Variants in MACC1 observed in about 807,000 individuals in gnomAD.
MACC1 encodes the protein metastasis-associated in colon cancer protein 1.
In MACC1, 79 loss-of-function variants were observed where a neutral mutation model predicts 70.7. The observed-to-expected ratio is 1.12, with a 90% confidence interval of 0.93 to 1.35. The LOEUF is 1.35. Ranked by LOEUF, MACC1 falls within the 40% of genes most tolerant of loss-of-function variation. The pLI, the probability that MACC1 is intolerant of heterozygous loss-of-function variation, is 0.00. For missense variants in MACC1, 1,106 were observed against 978.1 expected (o/e 1.13, Z -1.74); for synonymous variants, 361 against 347.2 (o/e 1.04, Z -0.44).
chr7:20,212,104 A>G (rs1191875899), intron 1 of MACC1, among the ~76,000 whole-genome samples: 1 of 152,212 alleles, frequency 6.6e-6, no homozygotes, highest in Non-Finnish European at 1.5e-5. Flanking sequence ...CAAAGATAGG[A>G]TAGTGGTAAC....
Position 20,150,181 on chromosome 7 carries a change from T to C in MACC1, c.2346+4012A>G, listed in dbSNP as rs183354558. Among the ~76,000 whole-genome samples the C allele has an allele frequency of 8.7e-4, 133 of 152,324 alleles. 1 individual carries two copies. In the East Asian group the frequency reaches 0.023, roughly 27 times the overall value. On this transcript the variant is annotated intron_variant, in intron 6 of 6. Transcript: ENST00000400331. ...TTCAAATATTAACAGTTTATCCCAA[T>C]TCCCAGGCCAAAGTAAAACCTGGTT...
chr7:20,185,548 T>C (rs973341497), intron 1 of MACC1, among the ~76,000 whole-genome samples: 13 of 152,246 alleles, frequency 8.5e-5, no homozygotes, highest in Admixed American at 7.8e-4. Flanking sequence ...GAAAATTTTC[T>C]GCTTTTTTAT....
chr7:20,173,963 T>A (rs1289000851), intron 1 of MACC1, among the ~76,000 whole-genome samples: 1 of 152,170 alleles, frequency 6.6e-6, no homozygotes, highest in African/African-American at 2.4e-5. Context: ...CAGATTTGAT[T>A]CATAAAAATT....
At chr7:20,176,740 A>C (rs1782399149) in intron 1 of MACC1, among the ~76,000 whole-genome samples, 1 of 152,174 alleles carries the variant, frequency 6.6e-6, no homozygotes, top group South Asian at 2.1e-4. Flanking sequence ...AATATTACTC[A>C]ACCATAAAAT....
In MACC1 at chr7:20,191,464, G is replaced by A. The variant is rs577430180; in HGVS notation, c.-217-20686C>T. On this transcript the variant is annotated intron_variant, in intron 1 of 6. Transcript: ENST00000400331. ...TGCAACCTGGCCCTACGTAGCTGGC[G>A]TTGGAACTGATGAGGAGGTGCTGCT... Among the ~76,000 whole-genome samples the A allele has an allele frequency of 1.4e-3, 198 of 137,450 alleles. 1 individual carries two copies. Among genetic ancestry groups the A allele is most frequent in the African/African-American group, 5.0e-3 (177 of 35,588 alleles). The allele number at this position is 137,450 out of a possible 152,430, so 90.2% of individuals were successfully genotyped here.
intron 1 of MACC1, among the ~76,000 whole-genome samples, chr7:20,207,770 A>G (rs1409556532): frequency 6.6e-6 from 1 of 152,246 alleles, no homozygotes; most frequent in Admixed American, 6.5e-5. Flanking sequence ...TAAGTGAACT[A>G]AAAATATTAC....
At chr7:20,156,227 G>A (rs1267632264) in intron 5 of MACC1, among the ~76,000 whole-genome samples, 1 of 152,096 alleles carries the variant, frequency 6.6e-6, no homozygotes, top group Non-Finnish European at 1.5e-5. Flanking sequence ...AGTTTCAAGA[G>A]ACAACTCTAT....
In MACC1 at chr7:20,137,416, C is replaced by T. The variant is rs1306741683; in HGVS notation, c.*3530G>A. 2 of 152,166 alleles carry T rather than the reference C, an allele frequency of 1.3e-5. No homozygotes were observed. Among genetic ancestry groups the T allele is most frequent in the Non-Finnish European group, 2.9e-5 (2 of 68,024 alleles). The allele number at this position is 152,166 out of a possible 1,614,324, so 9.4% of individuals were successfully genotyped here. The stretch of plus-strand genomic sequence containing the variant: ...ATTAGTATGAACAGTTAATGACACA[C>T]TATTGAATGCTTCTACTTAATTGTT... On this transcript the variant is annotated 3_prime_UTR_variant, in exon 7 of 7. Coordinates refer to ENST00000400331, the MANE Select transcript of MACC1 (RefSeq NM_182762.4).
chr7:20,209,680 T>TG (rs937323836), intron 1 of MACC1, among the ~76,000 whole-genome samples: 7 of 152,234 alleles, frequency 4.6e-5, no homozygotes, highest in East Asian at 1.9e-4. Flanking sequence ...GTTAAGGCTT[T>TG]GGGGGGGACT....
rs1782097057 is a variant in MACC1 at position 20,158,871 on chromosome 7, A to C, written c.1490T>G (p.Val497Gly). The change falls in exon 5 of 7, where the codon GTT becomes GGT. Residue 497 changes from valine (V) to glycine (G), a missense_variant. Coordinates refer to ENST00000400331, the MANE Select transcript of MACC1 (RefSeq NM_182762.4). ...AGGAGTAGTGATAGAGAACTGTGCAACTGGTTCACCATTGGGAGGCTCCAC... is the reference window on the plus strand; with the variant it reads ...AGGAGTAGTGATAGAGAACTGTGCACCTGGTTCACCATTGGGAGGCTCCAC... ...VQVEPPNGEPVAQFSITTPDP... is the reference protein window; with the variant it reads ...VQVEPPNGEPGAQFSITTPDP... 1 of 1,614,126 alleles carries C rather than the reference A, an allele frequency of 6.2e-7. No homozygotes were observed. Among genetic ancestry groups the C allele is most frequent in the Admixed American group, 1.7e-5 (1 of 60,002 alleles).
chr7:20,196,559 T>C (rs1782756959), intron 1 of MACC1, among the ~76,000 whole-genome samples: 1 of 152,024 alleles, frequency 6.6e-6, no homozygotes, highest in South Asian at 2.1e-4. Context: ...TATAAATTTA[T>C]AACAATGGGC....
At chr7:20,160,385 A>C in intron 4 of MACC1, 140 bp from the exon 5 acceptor site, 1 of 964,532 alleles carries the variant, frequency 1.0e-6, no homozygotes, top group Non-Finnish European at 1.4e-6. Context: ...ACTAGCTAAC[A>C]TAAACTCAAT....
intron 1 of MACC1, among the ~76,000 whole-genome samples, chr7:20,196,679 A>T (rs576199424): frequency 1.3e-5 from 2 of 152,134 alleles, no homozygotes; most frequent in Admixed American, 1.3e-4. Context: ...ATTGTCATAG[A>T]AAAACATCTT....
At chr7:20,208,940 T>C (rs771019897) in intron 1 of MACC1, among the ~76,000 whole-genome samples, 10 of 152,188 alleles carry the variant, frequency 6.6e-5, no homozygotes, top group Non-Finnish European at 1.3e-4. Context: ...AAGGTACAGC[T>C]CAGGTCATTG....
chr7:20,182,869 C>G (rs1411884514), intron 1 of MACC1, among the ~76,000 whole-genome samples: 1 of 152,148 alleles, frequency 6.6e-6, no homozygotes, highest in African/African-American at 2.4e-5. Flanking sequence ...ACAATATTTA[C>G]AAAAACTAAT....
rs552410274 is a variant in MACC1 at position 20,140,594 on chromosome 7, T to C, written c.*352A>G. On this transcript the variant is annotated 3_prime_UTR_variant, in exon 7 of 7. Transcript: ENST00000400331. The stretch of plus-strand genomic sequence containing the variant: ...TGACTTAGTAAATTTAAAATAACAC[T>C]GAAAGAGAGAGAGGGCACTTTTCTT... The C allele has an allele frequency of 7.1e-5, 13 of 182,186 alleles. No individual in the cohort carries two copies. The East Asian group carries it at 1.6e-3, about 22-fold the overall frequency. The allele number at this position is 182,186 out of a possible 1,614,324, so 11.3% of individuals were successfully genotyped here. A position where few individuals can be genotyped will look rare whatever the true frequency, so the allele number is the denominator to read the frequency against.
At chr7:20,209,059 G>A (rs1164415764) in intron 1 of MACC1, among the ~76,000 whole-genome samples, 1 of 152,188 alleles carries the variant, frequency 6.6e-6, no homozygotes. Context: ...AGATTTTAAA[G>A]GATGTATGGA....
At chr7:20,201,340 A>G in intron 1 of MACC1, among the ~76,000 whole-genome samples, 1 of 152,228 alleles carries the variant, frequency 6.6e-6, no homozygotes, top group South Asian at 2.1e-4. Context: ...AGGGAGAAGC[A>G]GGATGAAGTG....
chr7:20,168,622 T>G (rs73082556), intron 2 of MACC1, among the ~76,000 whole-genome samples: 10,822 of 152,280 alleles, frequency 0.071, 590 homozygotes, highest in East Asian at 0.28. Flanking sequence ...ATGGAGCTCT[T>G]TCTTAATGTG....
Sources: gnomAD v4.1 joint callset for allele counts (sites outside exome capture counted in the v4.1 genomes callset) on GRCh38, gnomAD v4.1.1 for gene constraint, MANE v1.5 for transcripts, NCBI Gene and HGNC (gene_info 2026-07-23, HGNC 2026-07-21) for gene names.